The following CCDC187 variants were observed in gnomAD, a reference collection of about 807,000 sequenced individuals.
CCDC187 encodes coiled-coil domain-containing protein 187.
A neutral mutation model predicts 38.0 loss-of-function variants in CCDC187; 32 were observed. That is an observed-to-expected ratio of 0.84 (90% CI 0.64 to 1.13). The LOEUF (loss-of-function observed/expected upper bound fraction) is 1.13. Among genes scored for constraint, CCDC187 ranks in the 50% most tolerant of loss-of-function variants. CCDC187 has a pLI of 0.00. For synonymous variants in CCDC187, 333 were observed against 347.9 expected, an observed-to-expected ratio of 0.96 and a Z score of 0.48; for missense variants, 707 against 786.8, an observed-to-expected ratio of 0.90 and a Z score of 1.21.
chr9:136,268,446 G>C (rs1830785392), intron 14 of CCDC187, among the ~76,000 whole-genome samples: 1 of 152,138 alleles, frequency 6.6e-6, no homozygotes, highest in Admixed American at 6.5e-5. Flanking sequence ...GGCCCAGAGA[G>C]GGAGAAGGGC....
At chr9:136,285,997 C>A in intron 8 of CCDC187, 88 bp downstream of exon 8, 1 of 397,660 alleles carries the variant, frequency 2.5e-6, no homozygotes, top group Admixed American at 4.4e-5. Flanking sequence ...GAAACCAAGG[C>A]TCAGAGAGAA....
chr9:136,297,357 A>G (rs982395886), intron 4 of CCDC187, among the ~76,000 whole-genome samples: 2 of 152,212 alleles, frequency 1.3e-5, no homozygotes, highest in East Asian at 1.9e-4. Flanking sequence ...CTGCCAGTGC[A>G]TGCTACAGTG....
chr9:136,280,207 C>T (rs1236171775), intron 10 of CCDC187, among the ~76,000 whole-genome samples: 1 of 152,258 alleles, frequency 6.6e-6, no homozygotes, highest in Non-Finnish European at 1.5e-5. Flanking sequence ...TGCCTCAGAT[C>T]CCACACACTG....
Position 136,291,324 on chromosome 9 carries a change from ATGG to A in CCDC187, c.1286_1288del (p.Ala429_Met430delinsVal). On this transcript the variant is annotated inframe_deletion, in exon 6 of 26. Transcript: ENST00000638797. ...TAAAGAGGAATGCTTCCTCTCTGTC[ATGG>A]CCCAGGGACTCTTAGAGAAGGAGCT... The A allele has an allele frequency of 5.0e-6, 2 of 398,728 alleles. No homozygotes were observed. Among genetic ancestry groups the A allele is most frequent in the Non-Finnish European group, 8.8e-6 (2 of 226,136 alleles). 24.7% of individuals were successfully genotyped at this position (398,728 alleles called of 1,614,324 possible).
intron 17 of CCDC187, among the ~76,000 whole-genome samples, chr9:136,265,238 A>C (rs1830730447): frequency 6.6e-6 from 1 of 152,176 alleles, no homozygotes; most frequent in Admixed American, 6.5e-5. Context: ...TCTCTGCCGC[A>C]GGCAAAGCCC....
chr9:136,267,991 C>T, intron 15 of CCDC187, 58 bp downstream of exon 15: 2 of 984,738 alleles, frequency 2.0e-6, no homozygotes, highest in Non-Finnish European at 2.4e-6. Context: ...GGGCCCACTA[C>T]CAGGGCCGTG....
upstream of CCDC187, chr9:136,306,822 C>A (rs1831809979): frequency 6.6e-6 from 1 of 152,298 alleles, no homozygotes; most frequent in South Asian, 2.1e-4. Context: ...CTCCCCTTCC[C>A]AGCAACGGTG....
rs973749530 is a variant in CCDC187, at chr9:136,257,149, C to G, written c.4367-308G>C. Among the ~76,000 whole-genome samples, 2 of 152,066 alleles carry G rather than the reference C, an allele frequency of 1.3e-5. No homozygotes were observed. On this transcript the variant is annotated intron_variant, in intron 22 of 25. Transcript: ENST00000638797. The surrounding 1 kb of genome is among the most constrained non-coding windows in gnomAD (Gnocchi z 4.5). ...CAGCACTCTGGGAGGCCGAGGCGGG[C>G]GGATCACAAGGTCAGGAGTTCGAGA...
chr9:136,272,639 G>T (rs1554762584), intron 14 of CCDC187, among the ~76,000 whole-genome samples: 5 of 151,754 alleles, frequency 3.3e-5, no homozygotes, highest in Non-Finnish European at 7.4e-5. Flanking sequence ...CAAGGTGGAG[G>T]TTGCAGTGAG....
rs1422207885 is a variant in CCDC187, at chr9:136,295,749, G to A, written c.832+1965C>T. 12 of 152,356 alleles carry A rather than the reference G, an allele frequency of 7.9e-5. 1 individual carries two copies. The highest frequency in any genetic ancestry group is 5.9e-4 in the Admixed American group (9 of 15,308). 9.4% of individuals were successfully genotyped at this position (152,356 alleles called of 1,614,324 possible). ...ACTGTCAGGGTGACACGGTGTTTAC[G>A]ATGATGAATGCGGCCGGTGGCATGC... is the stretch of plus-strand genomic sequence containing the variant. On this transcript the variant is annotated intron_variant, in intron 4 of 25. Transcript: ENST00000638797.
intron 2 of CCDC187, among the ~76,000 whole-genome samples, chr9:136,301,966 C>T (rs1831695755): frequency 1.3e-5 from 2 of 152,030 alleles, no homozygotes; most frequent in African/African-American, 2.4e-5. Flanking sequence ...AATCCCAGCA[C>T]TTTGGGAGGC....
At chr9:136,265,048 C>G (rs1385782980) in intron 17 of CCDC187, among the ~76,000 whole-genome samples, 1 of 152,214 alleles carries the variant, frequency 6.6e-6, no homozygotes, top group Non-Finnish European at 1.5e-5. Context: ...CCTCACCCAG[C>G]CAGGTTCTTT....
intron 4 of CCDC187, among the ~76,000 whole-genome samples, chr9:136,295,545 A>G (rs1423542178): frequency 6.6e-6 from 1 of 152,210 alleles, no homozygotes; most frequent in Non-Finnish European, 1.5e-5. Flanking sequence ...ATCAGGCTTC[A>G]TTTTCCTTTG....
upstream of CCDC187, among the ~76,000 whole-genome samples, chr9:136,306,376 T>TCCC (rs1831804232): frequency 6.6e-6 from 1 of 152,160 alleles, no homozygotes; most frequent in African/African-American, 2.4e-5. Flanking sequence ...GTTCCCCTCC[T>TCCC]GGGACCTCTG....
chr9:136,266,851 G>A (rs935190074), intron 16 of CCDC187: 1 of 152,260 alleles, frequency 6.6e-6, no homozygotes. Context: ...GAGAGGCCGT[G>A]GCTGGCGGAT....
At chr9:136,270,802 G>T (rs188843702) in intron 14 of CCDC187, among the ~76,000 whole-genome samples, 1 of 152,182 alleles carries the variant, frequency 6.6e-6, no homozygotes, top group Non-Finnish European at 1.5e-5. Context: ...GCCCTTATGC[G>T]GGTGTGACAG....
rs781877588 is a variant in CCDC187, at chr9:136,258,413, G to A, written c.4366+519C>T. Among the ~76,000 whole-genome samples, 27 of 152,230 alleles carry A rather than the reference G, an allele frequency of 1.8e-4. No homozygotes were observed. Among genetic ancestry groups the A allele is most frequent in the Admixed American group, 2.0e-4 (3 of 15,302 alleles). On this transcript the variant is annotated intron_variant, in intron 22 of 25. Coordinates refer to ENST00000638797, the MANE Select transcript of CCDC187 (RefSeq NM_001378188.1). This position sits in a 1 kb window ranked among gnomAD's most constrained non-coding sequence, Gnocchi z 4.3. ...CACCCAGGGCTGGTCAGGGAGCTCC[G>A]AGGTGGCATCGCAGGGCACACAACC...
Position 136,269,887 on chromosome 9 carries a change from G to A in CCDC187, c.3443-1762C>T, listed in dbSNP as rs116952474. On this transcript the variant is annotated intron_variant, in intron 14 of 25. Transcript: ENST00000638797. Reference sequence around the variant, plus strand: ...TAAGATGTTAAGTAGAGCCACAGAGGATATAAAACGAAAAGATCCAAATGG... The same window carrying A: ...TAAGATGTTAAGTAGAGCCACAGAGAATATAAAACGAAAAGATCCAAATGG... 1.5e-3 allele frequency among the ~76,000 whole-genome samples: 222 copies of A among 152,170 alleles called. 5 individuals are homozygous for A. The East Asian group carries it at 0.036, about 25-fold the overall frequency.
chr9:136,280,183 C>T lies in CCDC187; in HGVS notation c.3040+1368G>A, dbSNP rs1238449745. 3.3e-5 allele frequency among the ~76,000 whole-genome samples: 5 copies of T among 152,376 alleles called. No individual in the cohort carries two copies. The East Asian group carries it at 9.6e-4, about 29-fold the overall frequency. ...TTTCTGCCTCTTCCTGTTGAATTCT[C>T]CCCTTGGCACTCATGCCTCAGATCC... On this transcript the variant is annotated intron_variant, in intron 10 of 25. Coordinates refer to ENST00000638797, the MANE Select transcript of CCDC187 (RefSeq NM_001378188.1).
Sources: allele counts gnomAD v4.1 joint callset (sites outside exome capture counted in the v4.1 genomes callset), GRCh38; gene constraint gnomAD v4.1.1; non-coding constraint Gnocchi (gnomAD v3.1); transcripts MANE v1.5; gene names NCBI Gene and HGNC (gene_info 2026-07-23, HGNC 2026-07-21).